Variants in DGKB observed in about 807,000 individuals in gnomAD.
The protein encoded by DGKB is 90 kDa diacylglycerol kinase.
Under a neutral mutation model 114.3 loss-of-function variants are expected in DGKB, and 67 were observed. The observed-to-expected ratio is 0.59, with a 90% confidence interval of 0.48 to 0.72. The LOEUF is 0.72. Ranked by LOEUF, DGKB falls within the 30% of genes least tolerant of loss-of-function variation. The pLI, the probability that DGKB is intolerant of heterozygous loss-of-function variation, is 0.00. For synonymous variants in DGKB, 398 were observed against 323.1 expected, an observed-to-expected ratio of 1.23 and a Z score of -2.49; for missense variants, 907 against 975.2, an observed-to-expected ratio of 0.93 and a Z score of 0.93.
At chr7:14,203,471 G>C (rs1031937733) in intron 23 of DGKB, among the ~76,000 whole-genome samples, 4 of 151,958 alleles carry the variant, frequency 2.6e-5, no homozygotes, top group Admixed American at 6.6e-5. Flanking sequence ...TGTAAAACCA[G>C]AATATTTAGC....
intron 15 of DGKB, among the ~76,000 whole-genome samples, chr7:14,619,045 AT>A (rs1227012747): frequency 6.6e-6 from 1 of 150,876 alleles, no homozygotes; most frequent in African/African-American, 2.4e-5. Flanking sequence ...TTATTCTTTT[AT>A]TTTTTTTCTC....
chr7:14,710,683 C>T (rs1585879790), intron 6 of DGKB, among the ~76,000 whole-genome samples: 1 of 152,102 alleles, frequency 6.6e-6, no homozygotes, highest in East Asian at 1.9e-4. Context: ...TTTTATTTCG[C>T]TAAGAATTTT....
intron 1 of DGKB, among the ~76,000 whole-genome samples, chr7:14,949,356 C>T (rs185407434): frequency 5.3e-5 from 8 of 151,852 alleles, no homozygotes; most frequent in East Asian, 1.9e-4. Context: ...TTTGGAAAAC[C>T]GCTTCTAACT....
chr7:14,870,604 T>C (rs1231557694), intron 1 of DGKB, among the ~76,000 whole-genome samples: 3 of 152,126 alleles, frequency 2.0e-5, no homozygotes, highest in Non-Finnish European at 2.9e-5. Flanking sequence ...GAGATCAGCC[T>C]GACCAACATG....
intron 21 of DGKB, among the ~76,000 whole-genome samples, chr7:14,349,124 C>A (rs1583329977): frequency 6.6e-6 from 1 of 151,784 alleles, no homozygotes; most frequent in Non-Finnish European, 1.5e-5. Context: ...TGCAATAATT[C>A]ATATAAAATA....
intron 2 of DGKB, among the ~76,000 whole-genome samples, chr7:14,783,717 A>G (rs1839453287): frequency 6.6e-6 from 1 of 152,214 alleles, no homozygotes; most frequent in African/African-American, 2.4e-5. Context: ...CAGACTGTAC[A>G]TTTATAAAGA....
At chr7:14,968,062 G>T (rs966500565) in intron 1 of DGKB, among the ~76,000 whole-genome samples, 4 of 152,036 alleles carry the variant, frequency 2.6e-5, no homozygotes, top group Non-Finnish European at 5.9e-5. Flanking sequence ...AAATACCTTT[G>T]TCCATTTCTC....
intron 20 of DGKB, among the ~76,000 whole-genome samples, chr7:14,551,269 A>C (rs1795062089): frequency 6.6e-6 from 1 of 152,224 alleles, no homozygotes; most frequent in Non-Finnish European, 1.5e-5. Context: ...TTTCTTCCAG[A>C]CTTAGAAGAT....
At chr7:14,946,220 G>A (rs57785008) in intron 1 of DGKB, among the ~76,000 whole-genome samples, 49,969 of 151,114 alleles carry the variant, frequency 0.33, 9,744 homozygotes, top group East Asian at 0.87. Context: ...AGGTTCTACA[G>A]CATTTGTGCT....
chr7:14,377,770 G>C (rs1288206696), intron 21 of DGKB, among the ~76,000 whole-genome samples: 1 of 152,100 alleles, frequency 6.6e-6, no homozygotes, highest in Non-Finnish European at 1.5e-5. Context: ...ACTTTCCTGG[G>C]TCCCTGGGAT....
rs113238781 is a variant in DGKB at position 14,809,393 on chromosome 7, G to T, written c.70+31801C>A. Among the ~76,000 whole-genome samples the T allele has an allele frequency of 5.8e-4, 89 of 152,194 alleles. 1 individual carries two copies. The highest frequency in any genetic ancestry group is 2.1e-3 in the African/African-American group (89 of 41,534). On this transcript the variant is annotated intron_variant, in intron 2 of 25. Coordinates refer to ENST00000402815, the MANE Select transcript of DGKB (RefSeq NM_001350709.2). Reference sequence around the variant, plus strand: ...ATGAAACATGGGAGTGAAACATGAAGGAGGGAGGAAGTCATGAAGTTAAAG... The same window carrying T: ...ATGAAACATGGGAGTGAAACATGAATGAGGGAGGAAGTCATGAAGTTAAAG...
At chr7:14,949,178 A>G (rs1198631489) in intron 1 of DGKB, among the ~76,000 whole-genome samples, 1 of 151,932 alleles carries the variant, frequency 6.6e-6, no homozygotes, top group Non-Finnish European at 1.5e-5. Context: ...AAAAAAATCT[A>G]TATAGAAATA....
chr7:14,920,853 A>G (rs1391783663), intron 1 of DGKB, among the ~76,000 whole-genome samples: 1 of 139,590 alleles, frequency 7.2e-6, no homozygotes, highest in African/African-American at 3.0e-5. Flanking sequence ...GAAAGACATA[A>G]ATAAACTTAC....
At chr7:14,587,033 A>G (rs1034017844) in intron 17 of DGKB, among the ~76,000 whole-genome samples, 3 of 152,148 alleles carry the variant, frequency 2.0e-5, no homozygotes, top group African/African-American at 7.2e-5. Flanking sequence ...TATTTAAAAA[A>G]TACATTTCAT....
intron 20 of DGKB, among the ~76,000 whole-genome samples, chr7:14,569,006 A>C (rs1797992925): frequency 6.6e-6 from 1 of 152,192 alleles, no homozygotes; most frequent in East Asian, 1.9e-4. Context: ...TATGCTTTAA[A>C]TCCTTCAACT....
At chr7:14,530,880 T>C (rs915612257) in intron 20 of DGKB, among the ~76,000 whole-genome samples, 1 of 151,632 alleles carries the variant, frequency 6.6e-6, no homozygotes, top group African/African-American at 2.4e-5. Flanking sequence ...CGGTTCATTT[T>C]ATCTAGGCTA....
At chr7:14,581,522 G>A (rs946898195) in intron 18 of DGKB, among the ~76,000 whole-genome samples, 1 of 152,158 alleles carries the variant, frequency 6.6e-6, no homozygotes, top group African/African-American at 2.4e-5. Flanking sequence ...AGATCAGCAG[G>A]TTTTCCATGA....
At chr7:14,906,835 A>C (rs1783736739), upstream of DGKB, among the ~76,000 whole-genome samples, 1 of 152,220 alleles carries the variant, frequency 6.6e-6, no homozygotes, top group Admixed American at 6.5e-5. Context: ...TTCAACAAAC[A>C]TTTATTAAAC....
At chr7:14,283,151 C>A (rs145871464) in intron 23 of DGKB, among the ~76,000 whole-genome samples, 102,465 of 151,314 alleles carry the variant, frequency 0.68, 35,478 homozygotes, top group South Asian at 0.74. Flanking sequence ...AGCTGATAAG[C>A]AACTTCAGCA....
Sources: allele counts gnomAD v4.1 joint callset (sites outside exome capture counted in the v4.1 genomes callset), GRCh38; gene constraint gnomAD v4.1.1; transcripts MANE v1.5; gene names NCBI Gene and HGNC (gene_info 2026-07-23, HGNC 2026-07-21).